ITPRID1: variants seen among roughly 807,000 people sequenced by gnomAD.
ITPRID1 encodes protein ITPRID1.
ITPRID1 carries 96 observed loss-of-function variants against 95.4 expected under a neutral mutation model. The observed-to-expected ratio is 1.01, with a 90% CI of 0.85 to 1.19. The LOEUF (loss-of-function observed/expected upper bound fraction) is 1.19, where lower values mean the gene tolerates loss of function less well. ITPRID1 is among the 50% of genes most tolerant of loss of function. The probability of loss-of-function intolerance (pLI) is 0.00; values close to 1 mark genes in which losing one functional copy is unlikely to be tolerated. For missense variants in ITPRID1, 1,339 were observed against 1,252.9 expected, an observed-to-expected ratio of 1.07 and a Z score of -1.04; for synonymous variants, 510 against 453.6, an observed-to-expected ratio of 1.12 and a Z score of -1.58.
intron 5 of ITPRID1, among the ~76,000 whole-genome samples, chr7:31,566,953 C>G (rs570420517): frequency 1.3e-5 from 2 of 152,272 alleles, no homozygotes; most frequent in South Asian, 4.1e-4. Flanking sequence ...TGGAAGAGCA[C>G]TACATTCAGA....
At chr7:31,599,078 T>G (rs1470975368) in intron 10 of ITPRID1, among the ~76,000 whole-genome samples, 3 of 152,168 alleles carry the variant, frequency 2.0e-5, no homozygotes, top group African/African-American at 7.2e-5. Flanking sequence ...CCTAAAGAAA[T>G]CTTCACATAT....
At chr7:31,532,280 G>A (rs1278369311) in intron 1 of ITPRID1, among the ~76,000 whole-genome samples, 1 of 152,114 alleles carries the variant, frequency 6.6e-6, no homozygotes, top group Non-Finnish European at 1.5e-5. Flanking sequence ...ATTAGAAAAA[G>A]TGTTCTTTTC....
intron 1 of ITPRID1, among the ~76,000 whole-genome samples, chr7:31,544,145 T>C (rs1784020612): frequency 6.6e-6 from 1 of 152,128 alleles, no homozygotes; most frequent in Admixed American, 6.6e-5. Context: ...GAGGGAGCAT[T>C]CCTCCCTTGT....
At chr7:31,627,009 G>A (rs923705417) in intron 10 of ITPRID1, among the ~76,000 whole-genome samples, 4 of 152,222 alleles carry the variant, frequency 2.6e-5, no homozygotes, top group African/African-American at 9.7e-5. Flanking sequence ...AATTATGTAT[G>A]TCTAAAACAC....
intron 10 of ITPRID1, among the ~76,000 whole-genome samples, chr7:31,622,004 A>C (rs868855407): frequency 2.8e-5 from 4 of 143,444 alleles, no homozygotes; most frequent in South Asian, 2.4e-4. Flanking sequence ...AAAAGAGACA[A>C]AGAAGGCCAT....
At chr7:31,520,540 TGTGTGTGTGTGTGTGTGTGTGTGTGAGA>T (rs1386270722) in intron 1 of ITPRID1, among the ~76,000 whole-genome samples, 1 of 73,934 alleles carries the variant, frequency 1.4e-5, no homozygotes, top group Non-Finnish European at 2.4e-5. Context: ...TGTGTGTGTG[TGTGTGTGTGTGTGTGTGTGTGTGTGAGA>T]GAGAGAGAGA....
intron 1 of ITPRID1, among the ~76,000 whole-genome samples, chr7:31,530,145 T>C (rs191048159): frequency 4.5e-4 from 69 of 152,312 alleles, no homozygotes; most frequent in African/African-American, 1.6e-3. Context: ...TGCTCGGTTA[T>C]ATAGCCTCTA....
In ITPRID1 at chr7:31,652,910, G is replaced by A. The variant is rs1791093437; in HGVS notation, c.*81G>A. 3.2e-6 allele frequency: 5 copies of A among 1,543,640 alleles called. No homozygotes were observed. The highest frequency in any genetic ancestry group is 1.3e-5 in the South Asian group (1 of 78,860). ...GCAAGGAAATTTCAATTTTCCCCAA[G>A]GAGAAGGGTCTGCCAACCCATTGTC... On this transcript the variant is annotated 3_prime_UTR_variant, in exon 15 of 15. Coordinates refer to ENST00000615280, the MANE Select transcript of ITPRID1 (RefSeq NM_001257967.3).
intron 5 of ITPRID1, 55 bp from the exon 6 acceptor site, chr7:31,569,703 T>A (rs17160268): frequency 0.21 from 307,031 of 1,493,154 alleles, 32,457 homozygotes; most frequent in East Asian, 0.28. Flanking sequence ...GTTGAGAAAA[T>A]CTTCCGCAAG....
intron 10 of ITPRID1, among the ~76,000 whole-genome samples, chr7:31,615,655 C>T (rs577853534): frequency 6.7e-6 from 1 of 149,736 alleles, no homozygotes; most frequent in South Asian, 2.2e-4. Context: ...ATTACATAGG[C>T]TTTCATTCTT....
chr7:31,581,721 C>CT (rs1188072474), intron 9 of ITPRID1, among the ~76,000 whole-genome samples: 6 of 151,516 alleles, frequency 4.0e-5, no homozygotes, highest in Non-Finnish European at 7.4e-5. Context: ...GGGGCTTTTC[C>CT]TTTTTTTTCA....
At chr7:31,621,577 G>C (rs1787900027) in intron 10 of ITPRID1, among the ~76,000 whole-genome samples, 1 of 147,318 alleles carries the variant, frequency 6.8e-6, no homozygotes, top group Admixed American at 6.8e-5. Context: ...GTCACCACCA[G>C]GCCTGCCCTA....
chr7:31,572,197 T>C lies in ITPRID1; in HGVS notation c.395+9T>C, dbSNP rs745897664. 5 of 1,566,800 alleles carry C rather than the reference T, an allele frequency of 3.2e-6. No individual in the cohort carries two copies. The East Asian group carries it at 9.0e-5, about 28-fold the overall frequency. ...GCAAGTGTACCACAAAGGTATGTAA[T>C]TTCCAGGTGCTTTTCATCCTGAGAA... On this transcript the variant is annotated intron_variant, in intron 7 of 14. Coordinates refer to ENST00000615280, the MANE Select transcript of ITPRID1 (RefSeq NM_001257967.3).
At chr7:31,519,620 C>CTCTCTATATATATATATATA in intron 1 of ITPRID1, among the ~76,000 whole-genome samples, 25 of 25,254 alleles carry the variant, frequency 9.9e-4, no homozygotes, top group Non-Finnish European at 1.3e-3. Flanking sequence ...CTCTCTCTCT[C>CTCTCTATATATATATATATA]TATATATATA....
At chr7:31,623,593 T>C (rs1788139449) in intron 10 of ITPRID1, among the ~76,000 whole-genome samples, 1 of 149,958 alleles carries the variant, frequency 6.7e-6, no homozygotes, top group African/African-American at 2.4e-5. Flanking sequence ...TAGGTATTGA[T>C]GGGACGTATC....
At chr7:31,521,747 G>A (rs1181813166) in intron 1 of ITPRID1, among the ~76,000 whole-genome samples, 1 of 128,710 alleles carries the variant, frequency 7.8e-6, no homozygotes. Context: ...TTGACACAGG[G>A]CCTCGTTCTC....
chr7:31,658,216 T>C, downstream of ITPRID1: 1 of 1,437,862 alleles, frequency 7.0e-7, no homozygotes, highest in South Asian at 1.5e-5. Context: ...AGAAGAACAC[T>C]TCCCAGAAAA....
chr7:31,543,351 G>A (rs913010969), intron 1 of ITPRID1, among the ~76,000 whole-genome samples: 2 of 151,954 alleles, frequency 1.3e-5, no homozygotes, highest in South Asian at 2.1e-4. Context: ...TAATTCAGTC[G>A]GCTGGGAAAA....
chr7:31,535,074 G>A (rs776925390), intron 1 of ITPRID1, among the ~76,000 whole-genome samples: 1 of 151,948 alleles, frequency 6.6e-6, no homozygotes, highest in Non-Finnish European at 1.5e-5. Flanking sequence ...CTTGAAATAT[G>A]GCTAATGCAA....
Sources: allele counts gnomAD v4.1 joint callset (sites outside exome capture counted in the v4.1 genomes callset), GRCh38; gene constraint gnomAD v4.1.1; transcripts MANE v1.5; gene names NCBI Gene and HGNC (gene_info 2026-07-23, HGNC 2026-07-21).